The following SOX5 variants were observed in gnomAD, a reference collection of about 807,000 sequenced individuals.
SOX5 encodes the protein transcription factor SOX-5.
In SOX5, 9 loss-of-function variants were observed where a neutral mutation model predicts 92.0. That is an observed-to-expected ratio of 0.10 (90% CI 0.06 to 0.17). The LOEUF is 0.17. Among genes scored for constraint, SOX5 ranks in the 10% least tolerant of loss-of-function variants. The pLI, the probability that SOX5 is intolerant of heterozygous loss-of-function variation, is 1.00. For synonymous variants in SOX5, 344 were observed against 336.3 expected (o/e 1.02, Z -0.25); for missense variants, 642 against 944.5 (o/e 0.68, Z 4.20).
chr12:23,751,479 T>C (rs1007499266), intron 4 of SOX5, among the ~76,000 whole-genome samples: 1 of 151,896 alleles, frequency 6.6e-6, no homozygotes, highest in African/African-American at 2.4e-5. Context: ...ACCTGGGATC[T>C]GATTCCTATT....
intron 1 of SOX5, among the ~76,000 whole-genome samples, chr12:24,484,083 G>A (rs548345718): frequency 1.3e-5 from 2 of 152,270 alleles, no homozygotes; most frequent in South Asian, 2.1e-4. Context: ...TGTATGGAGA[G>A]TCCCAGGTCT....
At chr12:24,396,556 G>T (rs143425202) in intron 1 of SOX5, among the ~76,000 whole-genome samples, 5 of 152,206 alleles carry the variant, frequency 3.3e-5, no homozygotes, top group Non-Finnish European at 7.4e-5. Context: ...GCAACAGCTC[G>T]CGCTAGCTCC....
intron 4 of SOX5, among the ~76,000 whole-genome samples, chr12:24,160,170 G>A (rs938748442): frequency 6.6e-6 from 1 of 151,964 alleles, no homozygotes; most frequent in African/African-American, 2.4e-5. Context: ...TTTCTAGAAA[G>A]AGGTTAGTAA....
At chr12:24,218,878 A>G (rs1272836280) in intron 3 of SOX5, among the ~76,000 whole-genome samples, 1 of 152,164 alleles carries the variant, frequency 6.6e-6, no homozygotes, top group Non-Finnish European at 1.5e-5. Flanking sequence ...ATTAGTCTTC[A>G]GAGATTAGTC....
At chr12:24,243,815 A>G (rs573568078) in intron 3 of SOX5, among the ~76,000 whole-genome samples, 2 of 152,272 alleles carry the variant, frequency 1.3e-5, no homozygotes, top group African/African-American at 4.8e-5. Context: ...TACTAATTCA[A>G]TAAAGTTTCT....
intron 3 of SOX5, among the ~76,000 whole-genome samples, chr12:24,253,251 C>T (rs955244347): frequency 6.7e-6 from 1 of 149,168 alleles, no homozygotes; most frequent in Non-Finnish European, 1.5e-5. Context: ...TAAAAATCAT[C>T]AGAGAAGCAC....
intron 3 of SOX5, among the ~76,000 whole-genome samples, chr12:23,785,116 C>T (rs1032154726): frequency 8.5e-5 from 13 of 152,176 alleles, no homozygotes; most frequent in African/African-American, 2.9e-4. Context: ...ATTTAATCAA[C>T]ACTTTGCGCA....
At chr12:23,974,283 G>A (rs1047122052) in intron 4 of SOX5, among the ~76,000 whole-genome samples, 1 of 152,078 alleles carries the variant, frequency 6.6e-6, no homozygotes, top group Admixed American at 6.6e-5. Context: ...AGACAATTAG[G>A]TTGCTTCCAT....
chr12:24,174,278 T>G (rs1424220029), intron 4 of SOX5, among the ~76,000 whole-genome samples: 4 of 152,170 alleles, frequency 2.6e-5, no homozygotes, highest in Admixed American at 2.6e-4. Context: ...GGATTACAGG[T>G]GTGAGCCACT....
chr12:24,258,492 CTT>C (rs1941595115), intron 3 of SOX5, among the ~76,000 whole-genome samples: 2 of 152,146 alleles, frequency 1.3e-5, no homozygotes, highest in East Asian at 1.9e-4. Context: ...TAACAACACT[CTT>C]AATAATAATA....
At chr12:23,621,284 G>A (rs771970857) in intron 8 of SOX5, among the ~76,000 whole-genome samples, 8 of 151,992 alleles carry the variant, frequency 5.3e-5, no homozygotes, top group African/African-American at 1.9e-4. Context: ...GCTTATCAGG[G>A]GATGGGGGAA....
intron 7 of SOX5, among the ~76,000 whole-genome samples, chr12:23,657,628 C>T (rs2082478750): frequency 6.6e-6 from 1 of 152,076 alleles, no homozygotes; most frequent in Non-Finnish European, 1.5e-5. Flanking sequence ...TGGGCTTACA[C>T]TTCAGGTTGA....
chr12:23,709,099 T>A, intron 6 of SOX5, among the ~76,000 whole-genome samples: 1 of 152,120 alleles, frequency 6.6e-6, no homozygotes, highest in East Asian at 1.9e-4. Flanking sequence ...CTTTTATTTT[T>A]AAATTTTATT....
At chr12:24,413,203 AG>A (rs1345191298) in intron 1 of SOX5, among the ~76,000 whole-genome samples, 9 of 152,212 alleles carry the variant, frequency 5.9e-5, no homozygotes, top group Non-Finnish European at 8.8e-5. Context: ...CAATTTAATC[AG>A]TTTTGCTTCA....
intron 4 of SOX5, among the ~76,000 whole-genome samples, chr12:24,054,032 CACT>C (rs1957858256): frequency 1.3e-5 from 2 of 152,184 alleles, no homozygotes; most frequent in South Asian, 4.1e-4. Context: ...ACTACAAAAT[CACT>C]GTCATTGTGC....
intron 4 of SOX5, among the ~76,000 whole-genome samples, chr12:23,972,761 A>G (rs1008678534): frequency 9.2e-5 from 14 of 152,204 alleles, no homozygotes; most frequent in African/African-American, 3.1e-4. Flanking sequence ...TATTGTGGAC[A>G]GATTAAATAA....
At chr12:23,627,584 G>A (rs943112296) in intron 8 of SOX5, among the ~76,000 whole-genome samples, 2 of 151,966 alleles carry the variant, frequency 1.3e-5, no homozygotes, top group Admixed American at 6.6e-5. Context: ...TGAGTATTTC[G>A]TGTGTGCCAT....
chr12:23,661,130 T>A (rs576953182), intron 7 of SOX5, among the ~76,000 whole-genome samples: 1 of 152,364 alleles, frequency 6.6e-6, no homozygotes, highest in Non-Finnish European at 1.5e-5. Flanking sequence ...TTATACTGCA[T>A]ATAGTAAATG....
intron 4 of SOX5, among the ~76,000 whole-genome samples, chr12:23,981,078 G>A (rs1949528876): frequency 6.6e-6 from 1 of 152,066 alleles, no homozygotes; most frequent in South Asian, 2.1e-4. Context: ...TATTTTAAGG[G>A]ATTCCATAAC....
Sources: gnomAD v4.1 joint callset for allele counts (sites outside exome capture counted in the v4.1 genomes callset) on GRCh38, gnomAD v4.1.1 for gene constraint, MANE v1.5 for transcripts, NCBI Gene and HGNC (gene_info 2026-07-23, HGNC 2026-07-21) for gene names.